The following GRIK1 variants were observed in gnomAD, a reference collection of about 807,000 sequenced individuals.
The protein encoded by GRIK1 is glutamate receptor ionotropic, kainate 1.
A neutral mutation model predicts 105.7 loss-of-function variants in GRIK1; 69 were observed. That is an observed-to-expected ratio of 0.65 (90% CI 0.54 to 0.80). The LOEUF (loss-of-function observed/expected upper bound fraction) is 0.80, where lower values mean the gene tolerates loss of function less well. GRIK1 is among the 30% of genes least tolerant of loss of function. GRIK1 has a pLI of 0.00. For missense variants in GRIK1, 1,109 were observed against 1,167.3 expected, an observed-to-expected ratio of 0.95 and a Z score of 0.73; for synonymous variants, 438 against 431.3, an observed-to-expected ratio of 1.02 and a Z score of -0.19.
At chr21:29,724,494 C>G (rs2064403644) in intron 1 of GRIK1, among the ~76,000 whole-genome samples, 1 of 152,192 alleles carries the variant, frequency 6.6e-6, no homozygotes, top group African/African-American at 2.4e-5. Flanking sequence ...CCCCTATTTA[C>G]AGCTTTATAG....
chr21:29,558,818 C>A (rs889688798), intron 15 of GRIK1, among the ~76,000 whole-genome samples: 2 of 152,022 alleles, frequency 1.3e-5, no homozygotes, highest in African/African-American at 4.8e-5. Flanking sequence ...GTGCTGCATT[C>A]ATTTAGGAAA....
chr21:29,704,407 A>G (rs1184329168), intron 1 of GRIK1, among the ~76,000 whole-genome samples: 1 of 152,180 alleles, frequency 6.6e-6, no homozygotes, highest in Non-Finnish European at 1.5e-5. Flanking sequence ...TTTGGTAACC[A>G]TAAAATCTAC....
chr21:29,599,196 G>T (rs946919409), intron 7 of GRIK1, among the ~76,000 whole-genome samples: 1 of 152,160 alleles, frequency 6.6e-6, no homozygotes, highest in African/African-American at 2.4e-5. Flanking sequence ...AGTATGGAAA[G>T]AATTGCCGTA....
At chr21:29,908,905 C>G (rs1031788371) in intron 1 of GRIK1, among the ~76,000 whole-genome samples, 1 of 152,110 alleles carries the variant, frequency 6.6e-6, no homozygotes, top group Non-Finnish European at 1.5e-5. Flanking sequence ...AGCTTCCTTC[C>G]TCTCAAGTAT....
At chr21:29,939,054 C>G (rs538667837) in intron 1 of GRIK1, among the ~76,000 whole-genome samples, 2 of 152,282 alleles carry the variant, frequency 1.3e-5, no homozygotes, top group South Asian at 4.1e-4. Context: ...CTGCGCCCAA[C>G]TCAAGTGGCT....
chr21:29,587,964 C>CTTTTTTTTT (rs568648777), intron 11 of GRIK1, among the ~76,000 whole-genome samples: 774 of 65,412 alleles, frequency 0.012, 129 homozygotes, highest in South Asian at 0.023. Context: ...CTTTAAAATT[C>CTTTTTTTTT]TTTTTTTTTT....
At chr21:29,938,623 C>G (rs1268620030) in intron 1 of GRIK1, among the ~76,000 whole-genome samples, 1 of 152,054 alleles carries the variant, frequency 6.6e-6, no homozygotes, top group African/African-American at 2.4e-5. Context: ...TTATCTCATT[C>G]GAGATCAGAG....
chr21:29,757,516 A>T, intron 1 of GRIK1, among the ~76,000 whole-genome samples: 1 of 152,210 alleles, frequency 6.6e-6, no homozygotes, highest in African/African-American at 2.4e-5. Context: ...ATATATAGAA[A>T]ATTTGAAACA....
intron 1 of GRIK1, among the ~76,000 whole-genome samples, chr21:29,937,603 G>A (rs1296566754): frequency 6.6e-6 from 1 of 152,106 alleles, no homozygotes; most frequent in African/African-American, 2.4e-5. Flanking sequence ...TAGATGTGGG[G>A]GATATAGGAA....
At position 29,689,792 on chromosome 21, in the gene GRIK1, C is replaced by T. The variant is rs750063041; in HGVS notation, c.480G>A (p.Ala160=). Reference sequence around the variant, plus strand: ...TGTAATAGAGGACCAGATCCAGGATCGCCCTGCTGATAGCTGCATAATCTG... The same window carrying T: ...TGTAATAGAGGACCAGATCCAGGATTGCCCTGCTGATAGCTGCATAATCTG... ...LYPDYAAISR[A]ILDLVLYYNW... is the part of the protein sequence containing the mutation. The change falls in exon 3 of 18, where the codon GCG becomes GCA. Residue 160 remains alanine (A), a synonymous_variant. Transcript: ENST00000327783. 28 of 1,613,560 alleles carry T rather than the reference C, an allele frequency of 1.7e-5. No homozygotes were observed. The highest frequency in any genetic ancestry group is 2.2e-5 in the Non-Finnish European group (26 of 1,179,644).
chr21:29,695,560 C>T (rs917811860), intron 1 of GRIK1, among the ~76,000 whole-genome samples: 9 of 151,920 alleles, frequency 5.9e-5, no homozygotes, highest in Admixed American at 6.6e-5. Flanking sequence ...TTGCAACCTC[C>T]GCCTCCCAGG....
At chr21:29,905,263 T>A (rs918409360) in intron 1 of GRIK1, among the ~76,000 whole-genome samples, 6 of 152,072 alleles carry the variant, frequency 3.9e-5, no homozygotes, top group Admixed American at 1.3e-4. Context: ...CACAGAGCAC[T>A]CCCCTTTGTG....
chr21:29,918,010 T>C (rs2071057971), intron 1 of GRIK1, among the ~76,000 whole-genome samples: 1 of 151,984 alleles, frequency 6.6e-6, no homozygotes, highest in Non-Finnish European at 1.5e-5. Flanking sequence ...TAGAGAAAGA[T>C]GAACTAATAG....
intron 16 of GRIK1, among the ~76,000 whole-genome samples, chr21:29,546,326 C>T (rs997481636): frequency 1.3e-5 from 2 of 152,214 alleles, no homozygotes; most frequent in African/African-American, 4.8e-5. Context: ...CATTCCATAG[C>T]TTCACTGCCT....
intron 1 of GRIK1, among the ~76,000 whole-genome samples, chr21:29,820,899 G>A (rs1287976110): frequency 2.6e-5 from 4 of 151,882 alleles, no homozygotes; most frequent in African/African-American, 9.7e-5. Context: ...AGTAAGCAAT[G>A]TGCCAGGATT....
chr21:29,675,023 G>A (rs902530357), intron 3 of GRIK1, among the ~76,000 whole-genome samples: 1 of 152,110 alleles, frequency 6.6e-6, no homozygotes, highest in African/African-American at 2.4e-5. Flanking sequence ...ACAAAATATA[G>A]AACGTGGGTT....
chr21:29,740,064 A>ACTT (rs369164214), intron 1 of GRIK1, among the ~76,000 whole-genome samples: 1 of 152,140 alleles, frequency 6.6e-6, no homozygotes, highest in Non-Finnish European at 1.5e-5. Flanking sequence ...AATTGAAAAA[A>ACTT]CTTCTTCTGG....
intron 5 of GRIK1, among the ~76,000 whole-genome samples, chr21:29,653,329 A>C (rs1454694615): frequency 6.6e-6 from 1 of 152,252 alleles, no homozygotes; most frequent in Non-Finnish European, 1.5e-5. Context: ...AAACATGTGC[A>C]AAATTAGGTT....
In GRIK1 at chr21:29,617,392, G is replaced by A. The variant is rs556434850; in HGVS notation, c.1099-18455C>T. 2.4e-4 allele frequency among the ~76,000 whole-genome samples: 37 copies of A among 152,250 alleles called. No individual in the cohort carries two copies. In the South Asian group the frequency reaches 6.2e-3, roughly 26 times the overall value. On this transcript the variant is annotated intron_variant, in intron 7 of 17. Transcript: ENST00000327783. ...TAAGTTCTTGCCATGGATTGTTCCC[G>A]TGTGCAAGTTTGAGCAATCAGTACT...
Sources: allele counts gnomAD v4.1 joint callset (sites outside exome capture counted in the v4.1 genomes callset), GRCh38; gene constraint gnomAD v4.1.1; transcripts MANE v1.5; gene names NCBI Gene and HGNC (gene_info 2026-07-23, HGNC 2026-07-21).